The following STX8 variants were observed in gnomAD, a reference collection of about 807,000 sequenced individuals.
STX8 encodes syntaxin-8.
A neutral mutation model predicts 37.5 loss-of-function variants in STX8; 23 were observed. The ratio of observed to expected loss-of-function variants is 0.61; its 90% CI spans 0.44 to 0.87. The LOEUF (loss-of-function observed/expected upper bound fraction) is 0.87, where lower values mean the gene tolerates loss of function less well. STX8 is among the 40% of genes least tolerant of loss of function. The pLI is 0.00. For missense variants in STX8, 313 were observed against 284.7 expected (o/e 1.10, Z -0.71); for synonymous variants, 115 against 99.1 (o/e 1.16, Z -0.95).
chr17:9,373,126 GAAAAGA>G lies in STX8; in HGVS notation c.643+5420_643+5425del, dbSNP rs551413671. 6.7e-3 allele frequency among the ~76,000 whole-genome samples: 993 copies of G among 148,580 alleles called. 10 individuals carry two copies. Among genetic ancestry groups the G allele is most frequent in the African/African-American group, 0.022 (913 of 40,594 alleles). On this transcript the variant is annotated intron_variant, in intron 7 of 7. Coordinates refer to ENST00000306357, the MANE Select transcript of STX8 (RefSeq NM_004853.3). ...CCATCTCAAAAAAAAAAAAAGAAAA[GAAAAGA>G]AAAAGAAAAAGAAAAAGAAAATACT...
chr17:9,354,680 T>C (rs1910820361), intron 7 of STX8, among the ~76,000 whole-genome samples: 2 of 152,218 alleles, frequency 1.3e-5, no homozygotes, highest in Non-Finnish European at 2.9e-5. Context: ...TTTGTTTTCC[T>C]GGGATTAATA....
At chr17:9,444,000 GTCA>G (rs1320672682) in intron 6 of STX8, among the ~76,000 whole-genome samples, 1 of 152,080 alleles carries the variant, frequency 6.6e-6, no homozygotes, top group Non-Finnish European at 1.5e-5. Flanking sequence ...AATGATTTCT[GTCA>G]TCGTGTTCAT....
intron 6 of STX8, among the ~76,000 whole-genome samples, chr17:9,483,817 G>A (rs188846925): frequency 2.7e-4 from 41 of 152,244 alleles, no homozygotes; most frequent in African/African-American, 8.9e-4. Flanking sequence ...GGAGATGCAC[G>A]CCTGGTCCCT....
intron 1 of STX8, among the ~76,000 whole-genome samples, chr17:9,570,203 G>A (rs1003307705): frequency 2.6e-5 from 4 of 151,914 alleles, no homozygotes; most frequent in African/African-American, 9.7e-5. Context: ...AACTTGATAA[G>A]TGTTTTTTTT....
chr17:9,331,689 C>T (rs932180888), intron 7 of STX8, among the ~76,000 whole-genome samples: 1 of 152,188 alleles, frequency 6.6e-6, no homozygotes, highest in African/African-American at 2.4e-5. Context: ...CCCAATGAGT[C>T]CTGTGCACCT....
At chr17:9,442,379 C>A (rs139617926) in intron 6 of STX8, among the ~76,000 whole-genome samples, 3 of 152,298 alleles carry the variant, frequency 2.0e-5, no homozygotes, top group African/African-American at 7.2e-5. Context: ...TCCTATCCAT[C>A]ATCTACATTA....
rs971759952 is a variant in STX8 at position 9,509,646 on chromosome 17, G to C, written c.324-4484C>G. On this transcript the variant is annotated intron_variant, in intron 4 of 7. Transcript: ENST00000306357. ...CCAATATACAAAGGAAAAAGAGAAA[G>C]AAATCAAGCCTTATCACTTCAGAAC... is the stretch of plus-strand genomic sequence containing the variant. Among the ~76,000 whole-genome samples the C allele has an allele frequency of 2.8e-4, 43 of 151,840 alleles. 2 individuals carry two copies. Among genetic ancestry groups the C allele is most frequent in the Non-Finnish European group, 1.0e-4 (7 of 67,976 alleles).
intron 7 of STX8, among the ~76,000 whole-genome samples, chr17:9,346,922 G>A (rs1567792746): frequency 5.3e-5 from 8 of 152,114 alleles, no homozygotes. Context: ...GAGGTTGGGA[G>A]TTCGAGACCA....
chr17:9,526,080 G>A (rs149566896), intron 4 of STX8, among the ~76,000 whole-genome samples: 2 of 152,170 alleles, frequency 1.3e-5, no homozygotes, highest in Admixed American at 1.3e-4. Flanking sequence ...TACTGTCCCT[G>A]CAAGTGTGAA....
chr17:9,311,531 T>C (rs550997391), intron 7 of STX8, among the ~76,000 whole-genome samples: 39 of 152,334 alleles, frequency 2.6e-4, no homozygotes, highest in African/African-American at 8.7e-4. Context: ...GTTTTTAATA[T>C]CCATGAAATG....
chr17:9,500,582 G>C (rs768270993), intron 5 of STX8, among the ~76,000 whole-genome samples: 24 of 152,196 alleles, frequency 1.6e-4, no homozygotes, highest in Non-Finnish European at 3.2e-4. Flanking sequence ...GTCTCGAGCT[G>C]AGTGTCATTC....
intron 6 of STX8, among the ~76,000 whole-genome samples, chr17:9,482,684 C>G (rs886263653): frequency 6.6e-6 from 1 of 152,128 alleles, no homozygotes; most frequent in African/African-American, 2.4e-5. Flanking sequence ...GAGGCCACAG[C>G]AGGCAGATCA....
intron 7 of STX8, among the ~76,000 whole-genome samples, chr17:9,347,960 A>T (rs957923219): frequency 3.9e-5 from 6 of 152,106 alleles, no homozygotes; most frequent in African/African-American, 1.2e-4. Flanking sequence ...TTTAGCATGG[A>T]TTACTACTTC....
At chr17:9,528,996 G>T (rs1905691766) in intron 4 of STX8, among the ~76,000 whole-genome samples, 1 of 152,024 alleles carries the variant, frequency 6.6e-6, no homozygotes, top group Admixed American at 6.6e-5. Context: ...CATTACGGGG[G>T]AAATATAAAA....
chr17:9,349,337 T>TC (rs1910629148), intron 7 of STX8, among the ~76,000 whole-genome samples: 1 of 146,248 alleles, frequency 6.8e-6, no homozygotes, highest in Non-Finnish European at 1.5e-5. Flanking sequence ...TTTTTTTTTT[T>TC]GAAACAGAGT....
At chr17:9,352,159 A>G (rs1910727931) in intron 7 of STX8, among the ~76,000 whole-genome samples, 1 of 151,686 alleles carries the variant, frequency 6.6e-6, no homozygotes, top group African/African-American at 2.4e-5. Flanking sequence ...CTAAAAAAAA[A>G]AAAAAAGAAA....
chr17:9,426,951 T>A (rs907859413), intron 6 of STX8, among the ~76,000 whole-genome samples: 3 of 152,098 alleles, frequency 2.0e-5, no homozygotes, highest in Admixed American at 6.5e-5. Context: ...CTCTTACTAG[T>A]TAAGAGATAG....
chr17:9,424,184 T>C (rs1284229526), intron 6 of STX8, among the ~76,000 whole-genome samples: 1 of 152,022 alleles, frequency 6.6e-6, no homozygotes, highest in African/African-American at 2.4e-5. Context: ...TGAAGCTGGG[T>C]TGGCTGTCAG....
intron 6 of STX8, among the ~76,000 whole-genome samples, chr17:9,482,471 G>C (rs1377316745): frequency 6.6e-6 from 1 of 152,032 alleles, no homozygotes; most frequent in Non-Finnish European, 1.5e-5. Flanking sequence ...TCTGATATCA[G>C]ATAATACATG....
Sources: gnomAD v4.1 joint callset for allele counts (sites outside exome capture counted in the v4.1 genomes callset) on GRCh38, gnomAD v4.1.1 for gene constraint, MANE v1.5 for transcripts, NCBI Gene and HGNC (gene_info 2026-07-23, HGNC 2026-07-21) for gene names.